NWD1: variants seen among roughly 807,000 people sequenced by gnomAD.
NWD1 encodes the protein NACHT domain- and WD repeat-containing protein 1.
In NWD1, 129 loss-of-function variants were observed where a neutral mutation model predicts 135.1. That is an observed-to-expected ratio of 0.96 (90% CI 0.83 to 1.11). The LOEUF (loss-of-function observed/expected upper bound fraction) is 1.11, where lower values mean the gene tolerates loss of function less well. Ranked by LOEUF, NWD1 falls within the 50% of genes least tolerant of loss-of-function variation. NWD1 has a pLI of 0.00. For synonymous variants in NWD1, 773 were observed against 786.0 expected (o/e 0.98, Z 0.28); for missense variants, 1,740 against 1,851.3 (o/e 0.94, Z 1.10).
At chr19:16,738,760 A>AT (rs1346488625) in intron 4 of NWD1, among the ~76,000 whole-genome samples, 3 of 133,656 alleles carry the variant, frequency 2.2e-5, no homozygotes, top group Non-Finnish European at 4.7e-5. Flanking sequence ...ATATATATAT[A>AT]ATATAATGAT....
At chr19:16,792,442 C>T (rs1371978386) in intron 14 of NWD1, among the ~76,000 whole-genome samples, 4 of 151,166 alleles carry the variant, frequency 2.6e-5, no homozygotes, top group Non-Finnish European at 4.4e-5. Context: ...TTTGGGAGGC[C>T]GGGGCAGGTG....
chr19:16,817,028 C>T lies in NWD1; in HGVS notation c.*1989C>T, dbSNP rs1262510741. 6.6e-6 allele frequency: 1 copy of T among 152,182 alleles called. No homozygotes were observed. The highest frequency in any genetic ancestry group is 2.4e-5 in the African/African-American group (1 of 41,444). The allele number at this position is 152,182 out of a possible 1,614,324, so 9.4% of individuals were successfully genotyped here. On this transcript the variant is annotated 3_prime_UTR_variant, in exon 19 of 19. Coordinates refer to ENST00000524140, the MANE Select transcript of NWD1 (RefSeq NM_001007525.5). ...AATAATGGCAAAAACTGGCTGGGCA[C>T]AGTGGCTCACACCTGTGGTCCCAGC...
chr19:16,793,584 T>C (rs943764564), intron 14 of NWD1, among the ~76,000 whole-genome samples: 2 of 11,626 alleles, frequency 1.7e-4, no homozygotes, highest in African/African-American at 5.3e-4. Flanking sequence ...TTTTTGGTTG[T>C]TTTTTTTTTT....
rs1186506778 is a variant in NWD1 at position 16,738,843 on chromosome 19, TATATATAATACATTATCTATA to T, written c.198+2110_198+2130del. On this transcript the variant is annotated intron_variant, in intron 4 of 18. Transcript: ENST00000524140. The stretch of plus-strand genomic sequence containing the variant: ...AATATATAATGTATACATTATATAT[TATATATAATACATTATCTATA>T]ATATATAATACATTATATATTATAT... 7.5e-5 allele frequency among the ~76,000 whole-genome samples: 10 copies of T among 133,806 alleles called. No individual in the cohort carries two copies. In the East Asian group the frequency reaches 2.0e-3, roughly 26 times the overall value. The allele number at this position is 133,806 out of a possible 152,430, so 87.8% of individuals were successfully genotyped here. A position where few individuals can be genotyped will look rare whatever the true frequency, so the allele number is the denominator to read the frequency against.
chr19:16,785,741 C>T (rs1313159545), intron 12 of NWD1, among the ~76,000 whole-genome samples: 1 of 147,610 alleles, frequency 6.8e-6, no homozygotes, highest in Non-Finnish European at 1.5e-5. Context: ...TATATACATA[C>T]ATGAAAGTAT....
At chr19:16,764,960 A>C (rs1395193670) in intron 9 of NWD1, 74 bp from the exon 10 acceptor site, 2 of 1,501,822 alleles carry the variant, frequency 1.3e-6, no homozygotes, top group South Asian at 1.2e-5. Context: ...AAATGGAGAG[A>C]TGATTCTCCA....
intron 18 of NWD1, among the ~76,000 whole-genome samples, chr19:16,808,598 A>G (rs1168546969): frequency 6.6e-6 from 1 of 151,760 alleles, no homozygotes; most frequent in African/African-American, 2.4e-5. Context: ...TCAGAAGCAA[A>G]GTTTTTTTTG....
chr19:16,738,566 C>CAAA (rs770498066), intron 4 of NWD1, among the ~76,000 whole-genome samples: 9 of 91,500 alleles, frequency 9.8e-5, no homozygotes, highest in African/African-American at 2.7e-4. Flanking sequence ...GAGACTCTGT[C>CAAA]AAAAAAAAAA....
chr19:16,750,551 C>A lies in NWD1; in HGVS notation c.1769+140C>A, dbSNP rs1427165096. On this transcript the variant is annotated intron_variant, in intron 6 of 18. Coordinates refer to ENST00000524140, the MANE Select transcript of NWD1 (RefSeq NM_001007525.5). ...CTCACTGCAGTCTCCAACTCCCAGG[C>A]TCAAGTGATCCTCACGCCTCACCTG... is the stretch of plus-strand genomic sequence containing the variant. 6.6e-6 allele frequency: 4 copies of A among 603,560 alleles called. No individual in the cohort carries two copies. The East Asian group carries it at 1.2e-4, about 18-fold the overall frequency. 37.4% of individuals were successfully genotyped at this position (603,560 alleles called of 1,614,324 possible).
At chr19:16,788,857 C>A in intron 12 of NWD1, 125 bp from the exon 13 acceptor site, 1 of 720,512 alleles carries the variant, frequency 1.4e-6, no homozygotes, top group Non-Finnish European at 2.5e-6. Flanking sequence ...ATGACTTTCA[C>A]AATTCAATTC....
intron 1 of NWD1, among the ~76,000 whole-genome samples, chr19:16,722,115 G>GAAA (rs35982768): frequency 6.6e-6 from 1 of 150,504 alleles, no homozygotes; most frequent in African/African-American, 2.4e-5. Flanking sequence ...CCTGTCTCTT[G>GAAA]AAAAAAACAA....
At chr19:16,787,186 G>A (rs1405578250) in intron 12 of NWD1, among the ~76,000 whole-genome samples, 1 of 151,948 alleles carries the variant, frequency 6.6e-6, no homozygotes, top group African/African-American at 2.4e-5. Context: ...GAGTGCAGAG[G>A]AGTGATCATA....
chr19:16,808,056 G>A lies in NWD1; in HGVS notation c.4207G>A (p.Val1403Met). ...GGAGGTCAGCCACAAGGAGCAGCTG[G>A]TGGTCAGCGGGTCTGAGGATGCCCT... ...CVEVSHKEQLVVSGSEDALLC... is the reference protein window; with the variant it reads ...CVEVSHKEQLMVSGSEDALLC... The change falls in exon 18 of 19, where the codon GTG becomes ATG. Residue 1403 changes from valine (V) to methionine (M), a missense_variant. Transcript: ENST00000524140. 1 of 1,614,172 alleles carries A rather than the reference G, an allele frequency of 6.2e-7. No individual in the cohort carries two copies. The highest frequency in any genetic ancestry group is 8.5e-7 in the Non-Finnish European group (1 of 1,180,036).
chr19:16,807,634 A>G lies in NWD1; in HGVS notation c.3785A>G (p.Glu1262Gly), dbSNP rs764375391. Residue 1262 changes from glutamate (E) to glycine (G), a missense_variant, in exon 18 of 19, where the codon GAG becomes GGG. By Grantham distance (98) the Glu-to-Gly change is moderately conservative. Coordinates refer to ENST00000524140, the MANE Select transcript of NWD1 (RefSeq NM_001007525.5). ...ACCTCCAGTGAGATCAGGTGTCTGGAGGTTGCTGAGCAGCGCAAGCTCCTA... is the reference window on the plus strand; with the variant it reads ...ACCTCCAGTGAGATCAGGTGTCTGGGGGTTGCTGAGCAGCGCAAGCTCCTA... ...LDTSSEIRCL[E>G]VAEQRKLLFT... The G allele has an allele frequency of 6.4e-7, 1 of 1,556,706 alleles. No homozygotes were observed. The highest frequency in any genetic ancestry group is 2.1e-5 in the Admixed American group (1 of 48,240).
chr19:16,748,881 G>A (rs1405309358), intron 5 of NWD1, among the ~76,000 whole-genome samples: 1 of 151,952 alleles, frequency 6.6e-6, no homozygotes, highest in African/African-American at 2.4e-5. Flanking sequence ...TGTAACTCTG[G>A]GTGCAGTCCC....
intron 15 of NWD1, among the ~76,000 whole-genome samples, chr19:16,795,391 G>T (rs899305909): frequency 2.6e-5 from 4 of 152,130 alleles, no homozygotes; most frequent in African/African-American, 4.8e-5. Context: ...AGCCCCAGAG[G>T]GGGTGTTACA....
intron 6 of NWD1, among the ~76,000 whole-genome samples, chr19:16,757,645 G>T (rs1375266600): frequency 1.3e-5 from 2 of 152,126 alleles, no homozygotes; most frequent in Non-Finnish European, 2.9e-5. Context: ...TGAGGTGCCC[G>T]CTCTGAGGTT....
At chr19:16,788,564 CAAAAA>C (rs1164007408) in intron 12 of NWD1, among the ~76,000 whole-genome samples, 2 of 71,714 alleles carry the variant, frequency 2.8e-5, no homozygotes, top group African/African-American at 4.0e-5. Context: ...GAGAGTCCGT[CAAAAA>C]AAAAAAAAAA....
intron 17 of NWD1, among the ~76,000 whole-genome samples, chr19:16,801,265 G>A (rs1970594493): frequency 1.3e-5 from 2 of 151,194 alleles, no homozygotes; most frequent in African/African-American, 4.9e-5. Context: ...GGCAACAAGA[G>A]CAAAACTCTG....
Sources: gnomAD v4.1 joint callset for allele counts (sites outside exome capture counted in the v4.1 genomes callset) on GRCh38, gnomAD v4.1.1 for gene constraint, MANE v1.5 for transcripts, NCBI Gene and HGNC (gene_info 2026-07-23, HGNC 2026-07-21) for gene names.